The following OTUD7A variants were observed in gnomAD, a reference collection of about 807,000 sequenced individuals.
The protein encoded by OTUD7A is OTU deubiquitinase 7A, also known as OTU domain-containing protein 7A.
Under a neutral mutation model 65.7 loss-of-function variants are expected in OTUD7A, and 12 were observed. The observed-to-expected ratio is 0.18, with a 90% confidence interval of 0.12 to 0.30. The LOEUF (loss-of-function observed/expected upper bound fraction) is 0.30, where lower values mean the gene tolerates loss of function less well. Among genes scored for constraint, OTUD7A ranks in the 10% least tolerant of loss-of-function variants. The pLI, the probability that OTUD7A is intolerant of heterozygous loss-of-function variation, is 1.00. For missense variants in OTUD7A, 1,148 were observed against 1,304.8 expected, an observed-to-expected ratio of 0.88 and a Z score of 1.85; for synonymous variants, 641 against 586.3, an observed-to-expected ratio of 1.09 and a Z score of -1.35.
At chr15:31,562,793 C>T (rs543555848) in intron 4 of OTUD7A, among the ~76,000 whole-genome samples, 6 of 152,244 alleles carry the variant, frequency 3.9e-5, no homozygotes, top group South Asian at 2.1e-4. Flanking sequence ...GCACTAAAGC[C>T]GTCGAAGACA....
At chr15:31,549,402 G>C (rs1386567368) in intron 5 of OTUD7A, among the ~76,000 whole-genome samples, 1 of 152,192 alleles carries the variant, frequency 6.6e-6, no homozygotes, top group Non-Finnish European at 1.5e-5. Flanking sequence ...CCCACCTCCT[G>C]GGGTGTACTC....
At chr15:31,767,683 A>G in intron 1 of OTUD7A, 1 of 738,142 alleles carries the variant, frequency 1.4e-6, no homozygotes, top group South Asian at 1.4e-5. Flanking sequence ...CTCTATCATC[A>G]ACTGCATTTT....
chr15:31,539,861 A>G (rs576285776), intron 5 of OTUD7A, among the ~76,000 whole-genome samples: 21 of 152,286 alleles, frequency 1.4e-4, no homozygotes, highest in South Asian at 1.2e-3. Context: ...TCATCTTCCA[A>G]TTTTCCTGTA....
chr15:31,710,146 T>C (rs998025846), intron 1 of OTUD7A, among the ~76,000 whole-genome samples: 5 of 151,208 alleles, frequency 3.3e-5, no homozygotes, highest in African/African-American at 1.2e-4. Flanking sequence ...GTCACAGCCA[T>C]GAGTGATAGG....
chr15:31,673,657 A>G (rs1892534281), intron 1 of OTUD7A, among the ~76,000 whole-genome samples: 1 of 152,122 alleles, frequency 6.6e-6, no homozygotes, highest in African/African-American at 2.4e-5. Flanking sequence ...ACAAGGGTTT[A>G]AAAAAAATCC....
chr15:31,547,259 T>C (rs557831204), intron 5 of OTUD7A, among the ~76,000 whole-genome samples: 1 of 152,356 alleles, frequency 6.6e-6, no homozygotes, highest in Non-Finnish European at 1.5e-5. Context: ...TCTGAAATAT[T>C]TAAGGGGTAC....
chr15:31,704,104 T>C (rs1893274012), intron 1 of OTUD7A, among the ~76,000 whole-genome samples: 2 of 122,938 alleles, frequency 1.6e-5, no homozygotes, highest in Non-Finnish European at 3.5e-5. Flanking sequence ...TGGGGAACCT[T>C]GTGGGATGGA....
Position 31,694,091 on chromosome 15 carries a change from T to C in OTUD7A, c.-99-37014A>G, listed in dbSNP as rs1267349996. ...CTGCTGGGAAACAGCAGGTACAAAA[T>C]GAGCAGCAGCTACCCAGCAGGGTGC... is the stretch of plus-strand genomic sequence containing the variant. On this transcript the variant is annotated intron_variant, in intron 1 of 12. Transcript: ENST00000307050. 3.9e-5 allele frequency among the ~76,000 whole-genome samples: 6 copies of C among 152,120 alleles called. No homozygotes were observed. The East Asian group carries it at 9.6e-4, about 24-fold the overall frequency.
intron 3 of OTUD7A, among the ~76,000 whole-genome samples, chr15:31,592,935 A>ATG (rs1297752719): frequency 2.7e-4 from 26 of 95,086 alleles, no homozygotes; most frequent in African/African-American, 1.3e-3. Flanking sequence ...ATATATATAT[A>ATG]TGTATATATA....
At chr15:31,714,823 C>T (rs1893541957) in intron 1 of OTUD7A, among the ~76,000 whole-genome samples, 1 of 152,206 alleles carries the variant, frequency 6.6e-6, no homozygotes, top group African/African-American at 2.4e-5. Context: ...CTTCTCAACA[C>T]AGCCACAAGA....
At chr15:31,641,214 C>T (rs4591098) in intron 3 of OTUD7A, among the ~76,000 whole-genome samples, 43,512 of 151,822 alleles carry the variant, frequency 0.29, 7,369 homozygotes, top group African/African-American at 0.47. Context: ...CTCCATCCTG[C>T]TGCCCTGTGA....
chr15:31,562,477 A>G (rs957560859), intron 4 of OTUD7A, among the ~76,000 whole-genome samples: 11 of 152,076 alleles, frequency 7.2e-5, no homozygotes, highest in Non-Finnish European at 1.5e-4. Flanking sequence ...CTTCCCATAG[A>G]AACCACCTCA....
intron 1 of OTUD7A, among the ~76,000 whole-genome samples, chr15:31,696,050 G>A (rs1404378730): frequency 6.6e-6 from 1 of 152,268 alleles, no homozygotes. Context: ...ACACGGGTTG[G>A]GGGTGGGTGG....
At chr15:31,836,532 T>C (rs746740412) in intron 1 of OTUD7A, among the ~76,000 whole-genome samples, 6 of 152,100 alleles carry the variant, frequency 3.9e-5, no homozygotes, top group South Asian at 2.1e-4. Flanking sequence ...CATTTTAAGA[T>C]ACCAAAGAGA....
chr15:31,484,643 G>A lies in OTUD7A; in HGVS notation c.1453C>T (p.Arg485Cys), dbSNP rs745670428. ...TTAGAATTGCTGCACACCGAATCGC[G>A]GTCCGAGTCCAGCGAGTCGGCCAGG... is the stretch of plus-strand genomic sequence containing the variant. ...QSLADSLDSD[R>C]DSVCSNSNSN... Residue 485 changes from arginine to cysteine, a missense_variant, in exon 13 of 13, where the codon CGC (arginine) becomes TGC (cysteine). Physicochemically the swap from Arg to Cys is radical, Grantham distance 180. This residue lies in a region of OTUD7A where 842 missense variants were observed against 769.5 expected (regional missense o/e 1.09). Coordinates refer to ENST00000307050, the MANE Select transcript of OTUD7A (RefSeq NM_001382637.1). This position sits in a 1 kb window ranked among gnomAD's most constrained non-coding sequence, Gnocchi z 4.5. The A allele has an allele frequency of 2.5e-6, 4 of 1,587,704 alleles. No individual in the cohort carries two copies. The highest frequency in any genetic ancestry group is 3.4e-6 in the Non-Finnish European group (4 of 1,168,758).
intron 1 of OTUD7A, among the ~76,000 whole-genome samples, chr15:31,844,583 C>T (rs1414058539): frequency 6.6e-6 from 1 of 152,232 alleles, no homozygotes; most frequent in Non-Finnish European, 1.5e-5. Context: ...TCCTTGGCCT[C>T]CTAACAGCCT....
chr15:31,839,930 T>C (rs1897144520), intron 1 of OTUD7A, among the ~76,000 whole-genome samples: 2 of 139,070 alleles, frequency 1.4e-5, no homozygotes, highest in Admixed American at 1.5e-4. Flanking sequence ...ATTTTGGAAG[T>C]TGTATTATTT....
intron 1 of OTUD7A, among the ~76,000 whole-genome samples, chr15:31,817,913 T>C (rs1896590080): frequency 6.6e-6 from 1 of 152,232 alleles, no homozygotes; most frequent in Admixed American, 6.5e-5. Flanking sequence ...AGCTGAGGCC[T>C]CTGTGGGTGA....
At chr15:31,567,222 A>G (rs1888903475) in intron 4 of OTUD7A, among the ~76,000 whole-genome samples, 1 of 152,232 alleles carries the variant, frequency 6.6e-6, no homozygotes, top group South Asian at 2.1e-4. Flanking sequence ...TTAGATGGAT[A>G]TGAAGAAATT....
Sources: allele counts gnomAD v4.1 joint callset (sites outside exome capture counted in the v4.1 genomes callset), GRCh38; gene constraint gnomAD v4.1.1; regional missense constraint gnomAD v4.1.1; non-coding constraint Gnocchi (gnomAD v3.1); transcripts MANE v1.5; gene names NCBI Gene and HGNC (gene_info 2026-07-23, HGNC 2026-07-21).